PRKCE: variants seen among roughly 807,000 people sequenced by gnomAD.
The protein encoded by PRKCE is protein kinase C epsilon, also known as protein kinase C epsilon type.
Under a neutral mutation model 85.4 loss-of-function variants are expected in PRKCE, and 16 were observed. The observed-to-expected ratio is 0.19, with a 90% CI of 0.13 to 0.28. The LOEUF (loss-of-function observed/expected upper bound fraction) is 0.28. PRKCE is among the 10% of genes least tolerant of loss of function. The probability of loss-of-function intolerance (pLI) is 1.00; values close to 1 mark genes in which losing one functional copy is unlikely to be tolerated. For synonymous variants in PRKCE, 388 were observed against 371.5 expected (o/e 1.04, Z -0.51); for missense variants, 573 against 975.2 (o/e 0.59, Z 5.49).
intron 13 of PRKCE, 53 bp downstream of exon 13, chr2:46,151,282 CACA>C: frequency 5.9e-6 from 1 of 169,608 alleles, no homozygotes; most frequent in Non-Finnish European, 1.1e-5. Flanking sequence ...CCTCCCCCTA[CACA>C]CACACACACA....
At chr2:46,154,344 TG>T in intron 13 of PRKCE, among the ~76,000 whole-genome samples, 1 of 152,124 alleles carries the variant, frequency 6.6e-6, no homozygotes, top group Non-Finnish European at 1.5e-5. Flanking sequence ...CCAAATTCAA[TG>T]TGTGTTCTGG....
At chr2:45,724,091 T>C (rs1332209212) in intron 1 of PRKCE, among the ~76,000 whole-genome samples, 3 of 152,206 alleles carry the variant, frequency 2.0e-5, no homozygotes, top group African/African-American at 7.2e-5. Context: ...CTTGTTTTAT[T>C]GCACTTCGCA....
At chr2:46,089,781 G>GT (rs1164247081) in intron 11 of PRKCE, among the ~76,000 whole-genome samples, 4 of 152,166 alleles carry the variant, frequency 2.6e-5, no homozygotes, top group African/African-American at 9.7e-5. Flanking sequence ...ACACCCTACT[G>GT]TTAACAGGGC....
At chr2:45,853,895 A>G (rs1201993480) in intron 2 of PRKCE, among the ~76,000 whole-genome samples, 1 of 152,140 alleles carries the variant, frequency 6.6e-6, no homozygotes, top group African/African-American at 2.4e-5. Flanking sequence ...CCTCAGTTAT[A>G]AAACCCTGTC....
intron 1 of PRKCE, among the ~76,000 whole-genome samples, chr2:45,746,945 T>C (rs577420544): frequency 3.2e-4 from 49 of 152,188 alleles, no homozygotes; most frequent in Non-Finnish European, 5.3e-4. Context: ...AGCCTCTTGC[T>C]ACCTTTCAAG....
intron 6 of PRKCE, among the ~76,000 whole-genome samples, chr2:45,987,518 G>A (rs935281353): frequency 2.0e-5 from 3 of 151,860 alleles, no homozygotes; most frequent in African/African-American, 7.3e-5. Flanking sequence ...TTTTTTAAGA[G>A]CATTTTTAGG....
In PRKCE at chr2:45,774,924, G is replaced by A. The variant is rs570181819; in HGVS notation, c.349-68076G>A. Among the ~76,000 whole-genome samples, 61 of 149,706 alleles carry A rather than the reference G, an allele frequency of 4.1e-4. No homozygotes were observed. The highest frequency in any genetic ancestry group is 1.4e-3 in the African/African-American group (60 of 41,538). The stretch of plus-strand genomic sequence containing the variant: ...GACACGGTCCCAGCAAGGGTGTGGT[G>A]AAGGAAGTTGTTTTTCTTAATGGTA... On this transcript the variant is annotated intron_variant, in intron 1 of 14. Coordinates refer to ENST00000306156, the MANE Select transcript of PRKCE (RefSeq NM_005400.3). The surrounding 1 kb of genome is among the most constrained non-coding windows in gnomAD (Gnocchi z 4.3).
At position 45,976,605 on chromosome 2, in the gene PRKCE, G is replaced by A. The variant is rs1702470068; in HGVS notation, c.572+17G>A. On this transcript the variant is annotated intron_variant, in intron 3 of 14. Transcript: ENST00000306156. Reference sequence around the variant, plus strand: ...CTTCATCTGGTAAGCCTTTCTCTTGGGAACCTCTAATTACAACATCTCTGT... The same window carrying A: ...CTTCATCTGGTAAGCCTTTCTCTTGAGAACCTCTAATTACAACATCTCTGT... 1 of 1,598,142 alleles carries A rather than the reference G, an allele frequency of 6.3e-7. No homozygotes were observed. The highest frequency in any genetic ancestry group is 1.3e-5 in the African/African-American group (1 of 74,970).
At chr2:45,671,286 C>A (rs1676146381) in intron 1 of PRKCE, among the ~76,000 whole-genome samples, 1 of 152,054 alleles carries the variant, frequency 6.6e-6, no homozygotes, top group Non-Finnish European at 1.5e-5. Flanking sequence ...AGGACAAGAC[C>A]CAGGGAAGTT....
chr2:45,896,905 G>A lies in PRKCE; in HGVS notation c.412+53842G>A, dbSNP rs147349781. Among the ~76,000 whole-genome samples the A allele has an allele frequency of 5.7e-3, 863 of 152,144 alleles. 5 individuals are homozygous for A. Among genetic ancestry groups the A allele is most frequent in the African/African-American group, 8.6e-3 (356 of 41,512 alleles). On this transcript the variant is annotated intron_variant, in intron 2 of 14. Coordinates refer to ENST00000306156, the MANE Select transcript of PRKCE (RefSeq NM_005400.3). ...TCAAGGCCAGCCTGGGGAACATAGC[G>A]AGACCCCATCTCAATAAAAATTTAA... is the stretch of plus-strand genomic sequence containing the variant.
chr2:46,110,000 A>G (rs1225796047), intron 11 of PRKCE, among the ~76,000 whole-genome samples: 2 of 152,168 alleles, frequency 1.3e-5, no homozygotes, highest in Non-Finnish European at 2.9e-5. Flanking sequence ...GGCAGACTAC[A>G]TTGATTTTCA....
chr2:45,729,467 A>G (rs1681376892), intron 1 of PRKCE, among the ~76,000 whole-genome samples: 1 of 152,242 alleles, frequency 6.6e-6, no homozygotes, highest in African/African-American at 2.4e-5. Flanking sequence ...TGGAGCCTCC[A>G]TCATATGCAT....
chr2:45,757,022 G>A (rs1466904684), intron 1 of PRKCE, among the ~76,000 whole-genome samples: 1 of 151,952 alleles, frequency 6.6e-6, no homozygotes, highest in Non-Finnish European at 1.5e-5. Flanking sequence ...AGGCCGAGGC[G>A]GGTGGATCAC....
intron 11 of PRKCE, among the ~76,000 whole-genome samples, chr2:46,113,322 C>T (rs1002032997): frequency 6.6e-6 from 1 of 152,200 alleles, no homozygotes; most frequent in African/African-American, 2.4e-5. Flanking sequence ...GAATCCCAGA[C>T]GGTACTTACA....
chr2:46,108,084 C>T lies in PRKCE; in HGVS notation c.1592+21722C>T, dbSNP rs529755570. ...CTGGGGCTACATGTGTGTGCCATTG[C>T]GCCTGGCTAATTTTTTAGGGTTTTT... On this transcript the variant is annotated intron_variant, in intron 11 of 14. Transcript: ENST00000306156. Among the ~76,000 whole-genome samples, 21 of 152,246 alleles carry T rather than the reference C, an allele frequency of 1.4e-4. No homozygotes were observed. The South Asian group carries it at 2.9e-3, about 21-fold the overall frequency.
intron 2 of PRKCE, among the ~76,000 whole-genome samples, chr2:45,861,296 G>C (rs935652): frequency 0.094 from 14,347 of 152,124 alleles, 821 homozygotes; most frequent in South Asian, 0.22. Context: ...CTGAAAAAGT[G>C]CATGGTGATT....
intron 14 of PRKCE, among the ~76,000 whole-genome samples, chr2:46,177,870 C>A (rs1023189045): frequency 1.3e-5 from 2 of 152,182 alleles, no homozygotes; most frequent in African/African-American, 4.8e-5. Flanking sequence ...TAAGGGTTCA[C>A]GCCAAGTAGA....
intron 2 of PRKCE, among the ~76,000 whole-genome samples, chr2:45,912,053 A>G (rs1697418378): frequency 6.6e-6 from 1 of 152,050 alleles, no homozygotes; most frequent in Non-Finnish European, 1.5e-5. Context: ...GCATTCTGGT[A>G]GTGGAGTTTC....
At chr2:45,934,312 C>T (rs1699275102) in intron 2 of PRKCE, among the ~76,000 whole-genome samples, 1 of 152,134 alleles carries the variant, frequency 6.6e-6, no homozygotes, top group African/African-American at 2.4e-5. Context: ...TCTATTAAGA[C>T]TAAGTTGAAT....
Sources: allele counts gnomAD v4.1 joint callset (sites outside exome capture counted in the v4.1 genomes callset), GRCh38; gene constraint gnomAD v4.1.1; non-coding constraint Gnocchi (gnomAD v3.1); transcripts MANE v1.5; gene names NCBI Gene and HGNC (gene_info 2026-07-23, HGNC 2026-07-21).